The following HESX1 variants were observed in gnomAD, a reference collection of about 807,000 sequenced individuals.
HESX1 encodes homeobox expressed in ES cells 1.
Under a neutral mutation model 22.5 loss-of-function variants are expected in HESX1, and 11 were observed. The observed-to-expected ratio is 0.49, with a 90% CI of 0.31 to 0.81. The LOEUF (loss-of-function observed/expected upper bound fraction) is 0.81. HESX1 is among the 30% of genes least tolerant of loss of function. The pLI is 0.05. For synonymous variants in HESX1, 74 were observed against 76.5 expected, an observed-to-expected ratio of 0.97 and a Z score of 0.17; for missense variants, 201 against 212.6, an observed-to-expected ratio of 0.95 and a Z score of 0.34.
In HESX1 at chr3:57,199,742, A is replaced by G; in HGVS notation, c.157+20T>C. On this transcript the variant is annotated intron_variant, in intron 1 of 3. Transcript: ENST00000295934. ...GTAAATGAAATAACAAAGAATTGAA[A>G]CAATTAAGCTGTGGCATACCTGATG... is the stretch of plus-strand genomic sequence containing the variant. The G allele has an allele frequency of 6.2e-7, 1 of 1,613,238 alleles. No homozygotes were observed. The highest frequency in any genetic ancestry group is 1.7e-5 in the Admixed American group (1 of 60,018).
chr3:57,198,663 AACTGAGAT>A, intron 2 of HESX1, 82 bp downstream of exon 2: 1 of 1,241,726 alleles, frequency 8.1e-7, no homozygotes, highest in Non-Finnish European at 1.2e-6. Flanking sequence ...AAGGCTTCTA[AACTGAGAT>A]ACCAAAGTGA....
upstream of HESX1, among the ~76,000 whole-genome samples, chr3:57,204,785 T>G (rs1369242654): frequency 2.3e-5 from 3 of 131,366 alleles, no homozygotes; most frequent in Admixed American, 8.3e-5. Context: ...GATATATGAG[T>G]GAAACCTTGT....
chr3:57,215,713 G>A (rs1004040515), intron 1 of HESX1, among the ~76,000 whole-genome samples: 34 of 152,170 alleles, frequency 2.2e-4, no homozygotes, highest in African/African-American at 7.5e-4. Context: ...GTTGCAGTGA[G>A]CCAAGGTCGT....
rs376534438 is a variant in HESX1 at position 57,213,106 on chromosome 3, C to T, written c.-110-13078G>A. Among the ~76,000 whole-genome samples the T allele has an allele frequency of 1.0e-3, 159 of 152,230 alleles. 1 individual carries two copies. The highest frequency in any genetic ancestry group is 3.6e-3 in the African/African-American group (150 of 41,534). On this transcript the variant is annotated intron_variant, in intron 1 of 2. Transcript: ENST00000495160. Reference sequence around the variant, plus strand: ...TGTATAGCTCTGCCTCTCCCTTCAACACCTGCTTGGCACTACAAGTGGATG... The same window carrying T: ...TGTATAGCTCTGCCTCTCCCTTCAATACCTGCTTGGCACTACAAGTGGATG...
chr3:57,221,467 T>C (rs916714742), intron 1 of HESX1, among the ~76,000 whole-genome samples: 1 of 152,028 alleles, frequency 6.6e-6, no homozygotes, highest in African/African-American at 2.4e-5. Flanking sequence ...TTCCCTACTC[T>C]ATTTTCTATA....
Position 57,205,220 on chromosome 3 carries a change from C to T in HESX1, c.-110-5192G>A, listed in dbSNP as rs189595152. 3.3e-3 allele frequency among the ~76,000 whole-genome samples: 497 copies of T among 152,182 alleles called. 15 individuals carry two copies. Among genetic ancestry groups the T allele is most frequent in the Admixed American group, 0.031 (468 of 15,278 alleles). On this transcript the variant is annotated intron_variant, in intron 1 of 2. Coordinates refer to the HESX1 transcript ENST00000495160. ...TGCCAGGAGTTCAAAATCAGCCTGG[C>T]TAACACAGTGAGACCCCAACTCTAC... is the stretch of plus-strand genomic sequence containing the variant.
intron 1 of HESX1, among the ~76,000 whole-genome samples, chr3:57,220,055 A>G (rs1250246280): frequency 6.6e-6 from 1 of 152,212 alleles, no homozygotes; most frequent in Non-Finnish European, 1.5e-5. Flanking sequence ...TCTTCGACAT[A>G]TGGCTTGCCA....
upstream of HESX1, among the ~76,000 whole-genome samples, chr3:57,203,254 C>G (rs1178874402): frequency 6.6e-6 from 1 of 152,088 alleles, no homozygotes; most frequent in Non-Finnish European, 1.5e-5. Context: ...AGGCATTGTT[C>G]TAGGTGTGAG....
At chr3:57,200,812 C>T (rs560194047), upstream of HESX1, among the ~76,000 whole-genome samples, 58 of 152,196 alleles carry the variant, frequency 3.8e-4, no homozygotes, top group Admixed American at 3.1e-3. Flanking sequence ...GAAAAATTTC[C>T]GTCTGTTGAT....
Position 57,198,400 on chromosome 3 carries a change from G to C in HESX1, c.450C>G (p.Asp150Glu), listed in dbSNP as rs1385826685. The change falls in exon 3 of 4, where the codon GAC becomes GAG. Residue 150 changes from aspartate to glutamate, a missense_variant. Physicochemically the swap from Asp to Glu is conservative, Grantham distance 45. Transcript: ENST00000295934. Reference protein sequence around the residue: ...DLAQKLNLEEDRIQIWFQNRR... With the variant: ...DLAQKLNLEEERIQIWFQNRR... ...TAAATTTGAAAATTACCTGGATTCT[G>C]TCTTCCTCTAGATTCAATTTTTGAG... The C allele has an allele frequency of 1.9e-6, 3 of 1,594,020 alleles. No individual in the cohort carries two copies. Among genetic ancestry groups the C allele is most frequent in the Non-Finnish European group, 2.6e-6 (3 of 1,162,182 alleles).
intron 1 of HESX1, among the ~76,000 whole-genome samples, chr3:57,222,018 T>C (rs1430363453): frequency 6.6e-6 from 1 of 152,224 alleles, no homozygotes; most frequent in Non-Finnish European, 1.5e-5. Flanking sequence ...TTGTTCATTA[T>C]TTAATAAATA....
intron 1 of HESX1, among the ~76,000 whole-genome samples, chr3:57,206,825 T>C (rs1170320799): frequency 6.6e-6 from 1 of 152,210 alleles, no homozygotes. Context: ...CATAAGCTCA[T>C]AATCAAAGAT....
upstream of HESX1, among the ~76,000 whole-genome samples, chr3:57,227,359 T>C (rs2107591049): frequency 6.6e-6 from 1 of 152,278 alleles, no homozygotes; most frequent in East Asian, 1.9e-4. Context: ...GTTGGGAATG[T>C]TATCATCTGA....
intron 1 of HESX1, among the ~76,000 whole-genome samples, chr3:57,223,350 CATAG>C (rs2060625622): frequency 6.6e-6 from 1 of 152,042 alleles, no homozygotes; most frequent in African/African-American, 2.4e-5. Context: ...TCAAGGCAAC[CATAG>C]ATAAACAAAA....
rs893474485 is a variant in HESX1, at chr3:57,207,649, A to G, written c.-110-7621T>C. Among the ~76,000 whole-genome samples, 3 of 152,312 alleles carry G rather than the reference A, an allele frequency of 2.0e-5. No homozygotes were observed. In the East Asian group the frequency reaches 5.8e-4, roughly 29 times the overall value. ...TGATACAGATCTAGAAGAAATTCAGATATGGGAGTTAACAACAACAGATTA... is the reference window on the plus strand; with the variant it reads ...TGATACAGATCTAGAAGAAATTCAGGTATGGGAGTTAACAACAACAGATTA... On this transcript the variant is annotated intron_variant, in intron 1 of 2. Coordinates refer to the HESX1 transcript ENST00000495160.
chr3:57,203,660 T>G (rs571903588), upstream of HESX1, among the ~76,000 whole-genome samples: 3 of 152,244 alleles, frequency 2.0e-5, no homozygotes, highest in East Asian at 5.8e-4. Flanking sequence ...GTTCAAGTGA[T>G]TCTCCTGCTT....
At chr3:57,225,767 C>T (rs1239893180) in intron 1 of HESX1, among the ~76,000 whole-genome samples, 1 of 152,130 alleles carries the variant, frequency 6.6e-6, no homozygotes, top group Non-Finnish European at 1.5e-5. Flanking sequence ...AAGAAGGAAA[C>T]CATTTAACTT....
At chr3:57,212,430 G>A (rs9830217) in intron 1 of HESX1, among the ~76,000 whole-genome samples, 7,116 of 151,774 alleles carry the variant, frequency 0.047, 583 homozygotes, top group African/African-American at 0.16. Context: ...GTGGTGGCAC[G>A]TGCCTGTAGT....
At chr3:57,216,749 T>A (rs2060584858) in intron 1 of HESX1, among the ~76,000 whole-genome samples, 1 of 152,216 alleles carries the variant, frequency 6.6e-6, no homozygotes, top group South Asian at 2.1e-4. Context: ...TATGTCCCAT[T>A]ACTGGTGATA....
Sources: allele counts gnomAD v4.1 joint callset (sites outside exome capture counted in the v4.1 genomes callset), GRCh38; gene constraint gnomAD v4.1.1; transcripts MANE v1.5; gene names NCBI Gene and HGNC (gene_info 2026-07-23, HGNC 2026-07-21).